The following GNG2 variants were observed in gnomAD, a reference collection of about 807,000 sequenced individuals.
GNG2 encodes G protein subunit gamma 2, also known as guanine nucleotide-binding protein G(I)/G(S)/G(O) subunit gamma-2.
In GNG2, 5 loss-of-function variants were observed where a neutral mutation model predicts 5.5. That is an observed-to-expected ratio of 0.91 (90% CI 0.48 to 1.92). The LOEUF (loss-of-function observed/expected upper bound fraction) is 1.92, where lower values mean the gene tolerates loss of function less well. Ranked by LOEUF, GNG2 falls within the 30% of genes most tolerant of loss-of-function variation. The probability of loss-of-function intolerance (pLI) is 0.01; values close to 1 mark genes in which losing one functional copy is unlikely to be tolerated. For missense variants in GNG2, 55 were observed against 88.4 expected, an observed-to-expected ratio of 0.62 and a Z score of 1.52; for synonymous variants, 28 against 32.0, an observed-to-expected ratio of 0.88 and a Z score of 0.42.
chr14:51,893,780 G>A (rs1339248921), intron 2 of GNG2, among the ~76,000 whole-genome samples: 1 of 151,834 alleles, frequency 6.6e-6, no homozygotes, highest in Non-Finnish European at 1.5e-5. Flanking sequence ...TATATGATGT[G>A]AGCTATAAAT....
chr14:51,905,351 T>C (rs10143072), intron 2 of GNG2, among the ~76,000 whole-genome samples: 43,030 of 152,114 alleles, frequency 0.28, 7,055 homozygotes, highest in South Asian at 0.4. Flanking sequence ...AGGGGGTTTA[T>C]ATTTTCTGTT....
intron 2 of GNG2, among the ~76,000 whole-genome samples, chr14:51,879,612 G>A (rs961279467): frequency 2.0e-5 from 3 of 152,152 alleles, no homozygotes; most frequent in Admixed American, 6.5e-5. Flanking sequence ...TCTCTGGGTT[G>A]GATTTATTTC....
chr14:51,901,656 T>C (rs1885567742), intron 2 of GNG2, among the ~76,000 whole-genome samples: 1 of 149,166 alleles, frequency 6.7e-6, no homozygotes, highest in Non-Finnish European at 1.5e-5. Context: ...CATAGTGCCC[T>C]CCCTCTGCTC....
rs907771003 is a variant in GNG2 at position 51,969,124 on chromosome 14, C to A, written c.*2437C>A. On this transcript the variant is annotated 3_prime_UTR_variant, in exon 4 of 4. Transcript: ENST00000556766. ...TGAGAAATTCAACAGTCATTTTCAC[C>A]AGCATAATTTTATCTTAAGGAATAA... 6.6e-6 allele frequency: 1 copy of A among 151,998 alleles called. No homozygotes were observed. The highest frequency in any genetic ancestry group is 1.5e-5 in the Non-Finnish European group (1 of 67,990). 9.4% of individuals were successfully genotyped at this position (151,998 alleles called of 1,614,324 possible).
intron 2 of GNG2, among the ~76,000 whole-genome samples, chr14:51,913,558 G>C (rs149186785): frequency 6.6e-6 from 1 of 152,202 alleles, no homozygotes; most frequent in East Asian, 1.9e-4. Context: ...GAAAGAACAG[G>C]TGCCATGGGA....
chr14:51,937,625 T>TATAAAAAGTGAATTGGGAAATAA, intron 2 of GNG2, among the ~76,000 whole-genome samples: 1 of 37,658 alleles, frequency 2.7e-5, no homozygotes, highest in East Asian at 6.4e-4. Context: ...AATACATAAT[T>TATAAAAAGTGAATTGGGAAATAA]TTTTTTTTTT....
Position 51,877,563 on chromosome 14 carries a change from A to G in GNG2, c.-70-54A>G. On this transcript the variant is annotated intron_variant, in intron 1 of 3. Transcript: ENST00000556766. Reference sequence around the variant, plus strand: ...CATTCTACTTATCCAGCTCTTGTGTATCATGTTATTTTTCCTTTTAAAAAA... The same window carrying G: ...CATTCTACTTATCCAGCTCTTGTGTGTCATGTTATTTTTCCTTTTAAAAAA... 2 of 453,302 alleles carry G rather than the reference A, an allele frequency of 4.4e-6. 1 individual carries two copies. Among genetic ancestry groups the G allele is most frequent in the South Asian group, 3.1e-5 (2 of 63,622 alleles). 28.1% of individuals were successfully genotyped at this position (453,302 alleles called of 1,614,324 possible).
chr14:51,852,044 G>GAT (rs5808635), intron 2 of GNG2, among the ~76,000 whole-genome samples: 2 of 152,082 alleles, frequency 1.3e-5, no homozygotes, highest in African/African-American at 4.8e-5. Flanking sequence ...AGCAGTGAGG[G>GAT]TGTACGTAAA....
At chr14:51,946,319 C>T (rs565309351) in intron 2 of GNG2, among the ~76,000 whole-genome samples, 1 of 152,234 alleles carries the variant, frequency 6.6e-6, no homozygotes, top group South Asian at 2.1e-4. Context: ...TCAAAAGCAA[C>T]TAACAACTAA....
intron 2 of GNG2, among the ~76,000 whole-genome samples, chr14:51,924,804 G>GA (rs1236050920): frequency 6.6e-6 from 1 of 152,202 alleles, no homozygotes; most frequent in South Asian, 2.1e-4. Flanking sequence ...TTAGCATCTA[G>GA]AAAACATCCT....
At chr14:51,961,932 T>G (rs1423185085) in intron 3 of GNG2, among the ~76,000 whole-genome samples, 1 of 152,188 alleles carries the variant, frequency 6.6e-6, no homozygotes, top group Non-Finnish European at 1.5e-5. Flanking sequence ...AATGAGAAGT[T>G]ATTGAAGGTT....
intron 2 of GNG2, among the ~76,000 whole-genome samples, chr14:51,884,516 T>C (rs1414326828): frequency 6.6e-6 from 1 of 152,194 alleles, no homozygotes; most frequent in Admixed American, 6.5e-5. Context: ...AGCTGAAAAG[T>C]GACAGAATCA....
intron 2 of GNG2, chr14:51,939,816 A>G (rs145111647): frequency 6.6e-6 from 1 of 152,372 alleles, no homozygotes; most frequent in African/African-American, 2.4e-5. Context: ...GAAAACGGCC[A>G]AATATACCAT....
rs1376490435 is a variant in GNG2 at position 51,967,712 on chromosome 14, A to G, written c.*1025A>G. ...ACCCAGGGCAGCACAGCTGTCACCA[A>G]GCAGGAGAGTTAAGGATTCACCATG... On this transcript the variant is annotated 3_prime_UTR_variant, in exon 4 of 4. Coordinates refer to ENST00000556766, the MANE Select transcript of GNG2 (RefSeq NM_053064.5). The G allele has an allele frequency of 6.6e-6, 1 of 152,108 alleles. No individual in the cohort carries two copies. Among genetic ancestry groups the G allele is most frequent in the Non-Finnish European group, 1.5e-5 (1 of 68,036 alleles). The allele number at this position is 152,108 out of a possible 1,614,324, so 9.4% of individuals were successfully genotyped here. A position where few individuals can be genotyped will look rare whatever the true frequency, so the allele number is the denominator to read the frequency against.
At chr14:51,852,062 A>G (rs993130187) in intron 2 of GNG2, among the ~76,000 whole-genome samples, 1 of 152,200 alleles carries the variant, frequency 6.6e-6, no homozygotes, top group Non-Finnish European at 1.5e-5. Context: ...AAATATTTTA[A>G]CGGTAAATAA....
Position 51,877,623 on chromosome 14 carries a change from C to A in GNG2, c.-64C>A, listed in dbSNP as rs1883761741. ...CTCTCTGCTTTCTCAACAGCCAGAT[C>A]TGCCAGTGAGCCTCAGGCTTTAGGA... On this transcript the variant is annotated 5_prime_UTR_variant, in exon 2 of 4. It adds an upstream start codon to the 5' untranslated region. Transcript: ENST00000556766. The A allele has an allele frequency of 2.2e-6, 1 of 455,946 alleles. No homozygotes were observed. The highest frequency in any genetic ancestry group is 4.4e-6 in the Non-Finnish European group (1 of 226,626). The allele number at this position is 455,946 out of a possible 1,614,324, so 28.2% of individuals were successfully genotyped here.
At chr14:51,922,808 T>C (rs1416571958) in intron 2 of GNG2, among the ~76,000 whole-genome samples, 1 of 152,190 alleles carries the variant, frequency 6.6e-6, no homozygotes, top group Non-Finnish European at 1.5e-5. Context: ...CTGGTATGTG[T>C]TTCCTGAGCA....
At position 51,895,432 on chromosome 14, in the gene GNG2, G is replaced by A. The variant is rs937509805; in HGVS notation, c.-30+17775G>A. Among the ~76,000 whole-genome samples the A allele has an allele frequency of 9.2e-5, 14 of 152,230 alleles. No homozygotes were observed. In the South Asian group the frequency reaches 2.1e-3, roughly 23 times the overall value. ...CATTAAAGATGTGGCCTATGTATTA[G>A]GAAGTTAATCTGGAAATTTACATCC... On this transcript the variant is annotated intron_variant, in intron 2 of 3. Coordinates refer to ENST00000556766, the MANE Select transcript of GNG2 (RefSeq NM_053064.5).
intron 2 of GNG2, among the ~76,000 whole-genome samples, chr14:51,899,288 C>G (rs1409557527): frequency 6.6e-6 from 1 of 152,178 alleles, no homozygotes; most frequent in Non-Finnish European, 1.5e-5. Context: ...CACTCTCTAA[C>G]TGATGCCACA....
Sources: gnomAD v4.1 joint callset for allele counts (sites outside exome capture counted in the v4.1 genomes callset) on GRCh38, gnomAD v4.1.1 for gene constraint, MANE v1.5 for transcripts, NCBI Gene and HGNC (gene_info 2026-07-23, HGNC 2026-07-21) for gene names.